MACO1: variants seen among roughly 807,000 people sequenced by gnomAD.
The protein encoded by MACO1 is macoilin 1.
Under a neutral mutation model 78.7 loss-of-function variants are expected in MACO1, and 14 were observed. The ratio of observed to expected loss-of-function variants is 0.18; its 90% CI spans 0.12 to 0.28. The LOEUF is 0.28. Ranked by LOEUF, MACO1 falls within the 10% of genes least tolerant of loss-of-function variation. The pLI is 1.00. For missense variants in MACO1, 501 were observed against 799.0 expected, an observed-to-expected ratio of 0.63 and a Z score of 4.50; for synonymous variants, 288 against 291.6, an observed-to-expected ratio of 0.99 and a Z score of 0.12.
Position 25,480,929 on chromosome 1 carries a change from AATATATATATATATATATATATAT to A in MACO1, c.1155-3164_1155-3141del, listed in dbSNP as rs202050214. ...AGACTTGGTTAAAAAAAAAAAAAAA[AATATATATATATATATATATATAT>A]ATATATATATATATATATATATTTC... On this transcript the variant is annotated intron_variant, in intron 6 of 10. Transcript: ENST00000374343. Among the ~76,000 whole-genome samples, 99 of 47,916 alleles carry A rather than the reference AATATATATATATATATATATATAT, an allele frequency of 2.1e-3. 7 individuals are homozygous for A. The highest frequency in any genetic ancestry group is 8.2e-3 in the African/African-American group (84 of 10,292). The allele number at this position is 47,916 out of a possible 152,430, so 31.4% of individuals were successfully genotyped here.
intron 4 of MACO1, 60 bp from the exon 5 acceptor site, chr1:25,456,593 T>A: frequency 6.5e-7 from 1 of 1,535,424 alleles, no homozygotes; most frequent in Non-Finnish European, 8.9e-7. Flanking sequence ...TCTCATGTGC[T>A]TGAGGCACAT....
At chr1:25,483,351 G>A (rs2043398045) in intron 6 of MACO1, among the ~76,000 whole-genome samples, 2 of 152,138 alleles carry the variant, frequency 1.3e-5, no homozygotes, top group Non-Finnish European at 2.9e-5. Flanking sequence ...GCGCCTGGCC[G>A]ATAGTTTTTG....
At chr1:25,437,247 A>G (rs1296571030) in intron 1 of MACO1, among the ~76,000 whole-genome samples, 3 of 140,140 alleles carry the variant, frequency 2.1e-5, no homozygotes, top group African/African-American at 8.2e-5. Flanking sequence ...AGATCCTTAC[A>G]CTTCAGCTGA....
intron 6 of MACO1, among the ~76,000 whole-genome samples, chr1:25,462,323 G>A (rs112992164): frequency 2.6e-5 from 4 of 151,962 alleles, no homozygotes; most frequent in African/African-American, 9.7e-5. Context: ...GGAGGTACAC[G>A]TGCATTCATA....
intron 1 of MACO1, among the ~76,000 whole-genome samples, chr1:25,439,746 CTG>C (rs1346736258): frequency 1.3e-5 from 2 of 151,460 alleles, no homozygotes; most frequent in African/African-American, 2.4e-5. Flanking sequence ...AGGCTGGACA[CTG>C]TGGCTCACAC....
At chr1:25,446,092 A>G (rs562600274) in intron 1 of MACO1, among the ~76,000 whole-genome samples, 2 of 152,306 alleles carry the variant, frequency 1.3e-5, no homozygotes, top group African/African-American at 4.8e-5. Context: ...ACACACATTT[A>G]TATCTCAGCT....
At chr1:25,454,484 ATATAT>A (rs2043100722) in intron 4 of MACO1, 102 bp downstream of exon 4, 19 of 158,734 alleles carry the variant, frequency 1.2e-4, no homozygotes, top group East Asian at 3.6e-4. Flanking sequence ...ATATATATAT[ATATAT>A]TTTTTTTTTT....
chr1:25,495,823 G>A (rs2043531255), intron 10 of MACO1, among the ~76,000 whole-genome samples: 1 of 152,150 alleles, frequency 6.6e-6, no homozygotes, highest in Admixed American at 6.5e-5. Context: ...TTTGCTAGGT[G>A]TGATGGCACA....
intron 10 of MACO1, among the ~76,000 whole-genome samples, chr1:25,493,727 CTT>C (rs1189775109): frequency 9.8e-5 from 9 of 92,056 alleles, no homozygotes; most frequent in African/African-American, 1.8e-4. Context: ...TAGTTTGATT[CTT>C]TTTTTTTTTT....
chr1:25,471,900 C>G (rs2043274824), intron 6 of MACO1, among the ~76,000 whole-genome samples: 1 of 152,048 alleles, frequency 6.6e-6, no homozygotes, highest in Non-Finnish European at 1.5e-5. Context: ...TAGTTTTTCC[C>G]AAGGCTTTGA....
At chr1:25,477,048 T>C (rs993512762) in intron 6 of MACO1, among the ~76,000 whole-genome samples, 2 of 152,174 alleles carry the variant, frequency 1.3e-5, no homozygotes, top group Non-Finnish European at 2.9e-5. Context: ...GAACTTATAG[T>C]CTTGTTAGAA....
chr1:25,482,788 T>A (rs970322880), intron 6 of MACO1, among the ~76,000 whole-genome samples: 2 of 152,204 alleles, frequency 1.3e-5, no homozygotes, highest in Admixed American at 1.3e-4. Flanking sequence ...GAGTTCTTCA[T>A]CTGTAAAAAT....
intron 6 of MACO1, among the ~76,000 whole-genome samples, chr1:25,467,257 C>CA (rs1016167623): frequency 6.4e-4 from 97 of 150,440 alleles, no homozygotes; most frequent in African/African-American, 2.0e-3. Context: ...GGCTCTTTCT[C>CA]AAAAAAAAAT....
intron 3 of MACO1, among the ~76,000 whole-genome samples, chr1:25,452,359 G>A (rs1005948890): frequency 8.5e-5 from 13 of 152,072 alleles, no homozygotes; most frequent in African/African-American, 2.7e-4. Context: ...ATTTTGATTC[G>A]AAAAGCCAGT....
chr1:25,444,772 A>G (rs2043001233), intron 1 of MACO1, among the ~76,000 whole-genome samples: 1 of 151,666 alleles, frequency 6.6e-6, no homozygotes, highest in Non-Finnish European at 1.5e-5. Flanking sequence ...TTTTTTGTAC[A>G]GATGGGGTCT....
chr1:25,467,849 G>A (rs2043233095), intron 6 of MACO1, among the ~76,000 whole-genome samples: 1 of 151,290 alleles, frequency 6.6e-6, no homozygotes, highest in South Asian at 2.1e-4. Context: ...AAGATTACAT[G>A]GCTGGTGTGG....
intron 3 of MACO1, among the ~76,000 whole-genome samples, 154 bp from the exon 4 acceptor site, chr1:25,454,105 A>C (rs994800992): frequency 3.3e-5 from 5 of 152,164 alleles, no homozygotes; most frequent in Admixed American, 6.5e-5. Context: ...CATTTGTCAT[A>C]TAAAAGCTTT....
At chr1:25,458,292 TAAGTG>T in intron 5 of MACO1, 94 bp from the exon 6 acceptor site, 1 of 1,460,074 alleles carries the variant, frequency 6.8e-7, no homozygotes, top group African/African-American at 1.4e-5. Context: ...GTGAATTTCT[TAAGTG>T]TAGATAATAG....
intron 6 of MACO1, among the ~76,000 whole-genome samples, chr1:25,476,873 T>C (rs1398157534): frequency 6.6e-6 from 1 of 152,216 alleles, no homozygotes; most frequent in African/African-American, 2.4e-5. Context: ...CTGCTGTAGA[T>C]AGGTTTCCAG....
Sources: allele counts gnomAD v4.1 joint callset (sites outside exome capture counted in the v4.1 genomes callset), GRCh38; gene constraint gnomAD v4.1.1; transcripts MANE v1.5; gene names NCBI Gene and HGNC (gene_info 2026-07-23, HGNC 2026-07-21).